Variants in EYS observed in about 807,000 individuals in gnomAD.
EYS encodes EGF-like photoreceptor maintenance factor, also known as protein eyes shut homolog.
Under a neutral mutation model 282.1 loss-of-function variants are expected in EYS, and 250 were observed. The ratio of observed to expected loss-of-function variants is 0.89; its 90% CI spans 0.80 to 0.98. The LOEUF (loss-of-function observed/expected upper bound fraction) is 0.98, where lower values mean the gene tolerates loss of function less well. Among genes scored for constraint, EYS ranks in the 50% least tolerant of loss-of-function variants. The pLI is 0.00. For missense variants in EYS, 4,016 were observed against 3,709.0 expected, an observed-to-expected ratio of 1.08 and a Z score of -2.15; for synonymous variants, 1,355 against 1,282.9, an observed-to-expected ratio of 1.06 and a Z score of -1.20.
rs527864893 is a variant in EYS, at chr6:64,100,983, CT to C, written c.6425-18982del. Among the ~76,000 whole-genome samples the C allele has an allele frequency of 1.4e-4, 21 of 151,354 alleles. 1 individual carries two copies. The highest frequency in any genetic ancestry group is 3.9e-4 in the East Asian group (2 of 5,172). Reference sequence around the variant, plus strand: ...CTTGATTTTGTTCAGGCACAAAGATCTTTTTTTTTGTGTCTCATGCTGGCCT... The same window carrying C: ...CTTGATTTTGTTCAGGCACAAAGATCTTTTTTTTGTGTCTCATGCTGGCCT... On this transcript the variant is annotated intron_variant, in intron 31 of 42. Coordinates refer to ENST00000503581, the MANE Select transcript of EYS (RefSeq NM_001142800.2).
intron 12 of EYS, among the ~76,000 whole-genome samples, chr6:65,110,369 A>C (rs960024484): frequency 1.3e-5 from 2 of 152,174 alleles, no homozygotes; most frequent in East Asian, 3.9e-4. Flanking sequence ...CAAATGTGTA[A>C]GCAAATAAAT....
intron 19 of EYS, among the ~76,000 whole-genome samples, chr6:64,834,484 T>G (rs1765322966): frequency 6.6e-6 from 1 of 151,952 alleles, no homozygotes. Flanking sequence ...CTTTAAAGAC[T>G]AAGTCAATTT....
chr6:64,443,502 G>C lies in EYS; in HGVS notation c.5645-4150C>G, dbSNP rs138719991. Among the ~76,000 whole-genome samples, 63 of 152,252 alleles carry C rather than the reference G, an allele frequency of 4.1e-4. No individual in the cohort carries two copies. In the East Asian group the frequency reaches 9.1e-3, roughly 22 times the overall value. ...AGATATGAGTTTTGGGAAGGGCCAG[G>C]TGTGAAATGATAAGATTTGGCTCTG... On this transcript the variant is annotated intron_variant, in intron 26 of 42. Transcript: ENST00000503581.
chr6:64,310,405 A>C (rs1375054561), intron 29 of EYS, among the ~76,000 whole-genome samples: 2 of 152,248 alleles, frequency 1.3e-5, no homozygotes, highest in Non-Finnish European at 2.9e-5. Context: ...AGCCATGAAA[A>C]AGAACAAAAA....
In EYS at chr6:64,827,189, T is replaced by C. The variant is rs1331495415; in HGVS notation, c.2993-4367A>G. Among the ~76,000 whole-genome samples the C allele has an allele frequency of 2.0e-5, 3 of 151,886 alleles. No homozygotes were observed. The Admixed American group carries it at 2.0e-4, about 10-fold the overall frequency. On this transcript the variant is annotated intron_variant, in intron 19 of 42. Coordinates refer to ENST00000503581, the MANE Select transcript of EYS (RefSeq NM_001142800.2). ...TTAAAATTAAACATTCTCAATATTTTCTCATATCCATGTTAGCTCCTGATA... is the reference window on the plus strand; with the variant it reads ...TTAAAATTAAACATTCTCAATATTTCCTCATATCCATGTTAGCTCCTGATA...
intron 36 of EYS, among the ~76,000 whole-genome samples, chr6:63,853,768 A>C (rs1437848016): frequency 6.6e-6 from 1 of 152,198 alleles, no homozygotes; most frequent in Non-Finnish European, 1.5e-5. Context: ...ACAGCATGGT[A>C]CTGGTACCAA....
chr6:63,939,427 A>T (rs1038513973), intron 35 of EYS, among the ~76,000 whole-genome samples: 1 of 152,230 alleles, frequency 6.6e-6, no homozygotes, highest in Non-Finnish European at 1.5e-5. Context: ...AAAGTGTTTC[A>T]AAATTCAGTT....
At chr6:64,819,799 T>G (rs1419807635) in intron 21 of EYS, among the ~76,000 whole-genome samples, 1 of 151,916 alleles carries the variant, frequency 6.6e-6, no homozygotes, top group Non-Finnish European at 1.5e-5. Context: ...TATAAAAGAT[T>G]TGCATTTTTT....
At chr6:63,877,594 C>T (rs1389499821) in intron 35 of EYS, among the ~76,000 whole-genome samples, 1 of 151,728 alleles carries the variant, frequency 6.6e-6, no homozygotes, top group South Asian at 2.1e-4. Context: ...CTTCCCAACA[C>T]TTTCAGGTAC....
chr6:64,171,405 A>G (rs1764475974), intron 31 of EYS, among the ~76,000 whole-genome samples: 1 of 152,296 alleles, frequency 6.6e-6, no homozygotes, highest in South Asian at 2.1e-4. Flanking sequence ...CTTAGGCTGC[A>G]TTTTGCATTC....
At chr6:65,190,389 C>T (rs1046837057) in intron 12 of EYS, among the ~76,000 whole-genome samples, 1 of 149,674 alleles carries the variant, frequency 6.7e-6, no homozygotes, top group Non-Finnish European at 1.5e-5. Context: ...TTACATTCAT[C>T]GTTATTCATT....
chr6:64,914,847 T>C (rs978977038), intron 15 of EYS, among the ~76,000 whole-genome samples: 1 of 152,130 alleles, frequency 6.6e-6, no homozygotes, highest in Non-Finnish European at 1.5e-5. Context: ...GTAATTGCTA[T>C]CATGATAATT....
At chr6:63,855,867 G>A (rs991451029) in intron 36 of EYS, among the ~76,000 whole-genome samples, 3 of 152,116 alleles carry the variant, frequency 2.0e-5, no homozygotes, top group Admixed American at 2.0e-4. Context: ...CCACTTTCAA[G>A]GTCAAAGGGA....
intron 28 of EYS, among the ~76,000 whole-genome samples, chr6:64,420,234 G>A (rs1028477858): frequency 2.0e-5 from 3 of 151,528 alleles, no homozygotes; most frequent in African/African-American, 7.3e-5. Flanking sequence ...GTGACTTTGA[G>A]CCACCGCTAC....
chr6:64,845,680 G>A (rs189147219), intron 19 of EYS, among the ~76,000 whole-genome samples: 99 of 152,064 alleles, frequency 6.5e-4, no homozygotes, highest in East Asian at 1.2e-3. Flanking sequence ...TCTTCTAAGC[G>A]TCAGATCCTC....
At chr6:65,011,609 C>A (rs1771871822) in intron 13 of EYS, among the ~76,000 whole-genome samples, 1 of 152,202 alleles carries the variant, frequency 6.6e-6, no homozygotes, top group Non-Finnish European at 1.5e-5. Flanking sequence ...ATCTCCCCAA[C>A]AGCTCTTGGG....
At chr6:64,455,228 A>C (rs539137209) in intron 26 of EYS, among the ~76,000 whole-genome samples, 1 of 152,148 alleles carries the variant, frequency 6.6e-6, no homozygotes, top group African/African-American at 2.4e-5. Context: ...GTTTATTTTT[A>C]ATAATACTAT....
At chr6:65,198,056 TC>T (rs1765811968) in intron 12 of EYS, among the ~76,000 whole-genome samples, 1 of 152,164 alleles carries the variant, frequency 6.6e-6, no homozygotes, top group Non-Finnish European at 1.5e-5. Context: ...TGTACAGCTC[TC>T]CAAAAATATT....
At chr6:64,117,607 C>A (rs748866865) in intron 31 of EYS, among the ~76,000 whole-genome samples, 1 of 149,534 alleles carries the variant, frequency 6.7e-6, no homozygotes, top group African/African-American at 2.5e-5. Flanking sequence ...AATTGGATAC[C>A]CTAGAAAAAT....
Sources: gnomAD v4.1 joint callset for allele counts (sites outside exome capture counted in the v4.1 genomes callset) on GRCh38, gnomAD v4.1.1 for gene constraint, MANE v1.5 for transcripts, NCBI Gene and HGNC (gene_info 2026-07-23, HGNC 2026-07-21) for gene names.